GOLM2: variants seen among roughly 807,000 people sequenced by gnomAD.
The protein encoded by GOLM2 is golgi membrane protein 2, also known as protein GOLM2.
In GOLM2, 26 loss-of-function variants were observed where a neutral mutation model predicts 55.9. The observed-to-expected ratio is 0.47, with a 90% CI of 0.34 to 0.65. GOLM2 has a LOEUF of 0.65. Among genes scored for constraint, GOLM2 ranks in the 30% least tolerant of loss-of-function variants. The pLI, the probability that GOLM2 is intolerant of heterozygous loss-of-function variation, is 0.01. For missense variants in GOLM2, 486 were observed against 531.8 expected (o/e 0.91, Z 0.85); for synonymous variants, 165 against 194.6 (o/e 0.85, Z 1.27).
chr15:44,334,758 G>C (rs2079044795), intron 4 of GOLM2, among the ~76,000 whole-genome samples: 1 of 152,148 alleles, frequency 6.6e-6, no homozygotes, highest in Admixed American at 6.5e-5. Flanking sequence ...GTAGCTGGGG[G>C]CGGTGGCTCA....
In GOLM2 at chr15:44,332,661, C is replaced by CT. The variant is rs1567027595; in HGVS notation, c.576+589dup. ...ATTTCTCAGATTGTAAAGTGGGCAA[C>CT]TTTTTTACTGAAAATCAACTACTTC... On this transcript the variant is annotated intron_variant, in intron 4 of 9. Coordinates refer to ENST00000299957, the MANE Select transcript of GOLM2 (RefSeq NM_138423.4). Among the ~76,000 whole-genome samples the CT allele has an allele frequency of 2.6e-5, 4 of 151,726 alleles. No homozygotes were observed. In the South Asian group the frequency reaches 8.3e-4, roughly 32 times the overall value.
In GOLM2 at chr15:44,366,260, G is replaced by A. The variant is rs186639467; in HGVS notation, c.803-13430G>A. On this transcript the variant is annotated intron_variant, in intron 6 of 9. Transcript: ENST00000299957. ...TGCAGTGAGCAGAGATCACGCCGCT[G>A]CACTCCAGCCTGGGCAACAGAGCGA... is the stretch of plus-strand genomic sequence containing the variant. 4.3e-4 allele frequency among the ~76,000 whole-genome samples: 62 copies of A among 143,852 alleles called. 1 individual carries two copies. The East Asian group carries it at 0.013, about 30-fold the overall frequency. 94.4% of individuals were successfully genotyped at this position (143,852 alleles called of 152,430 possible).
chr15:44,336,127 T>C (rs1391411661), intron 4 of GOLM2, among the ~76,000 whole-genome samples: 1 of 149,826 alleles, frequency 6.7e-6, no homozygotes, highest in Non-Finnish European at 1.5e-5. Context: ...CTACTTAACT[T>C]TTTCTATTTA....
At chr15:44,305,537 G>T (rs1335527381) in intron 1 of GOLM2, among the ~76,000 whole-genome samples, 1 of 151,838 alleles carries the variant, frequency 6.6e-6, no homozygotes, top group Admixed American at 6.6e-5. Context: ...GAGCCCAAGT[G>T]TCCACCCGCC....
At chr15:44,369,112 T>TAC (rs2079310703) in intron 6 of GOLM2, among the ~76,000 whole-genome samples, 3 of 104,822 alleles carry the variant, frequency 2.9e-5, no homozygotes, top group African/African-American at 1.2e-4. Flanking sequence ...TATATATATA[T>TAC]ATATACCCGG....
chr15:44,299,292 G>T (rs1407875749), intron 1 of GOLM2, among the ~76,000 whole-genome samples: 1 of 150,846 alleles, frequency 6.6e-6, no homozygotes, highest in Non-Finnish European at 1.5e-5. Flanking sequence ...CTAGATAATT[G>T]TTTTTGTTTT....
chr15:44,344,980 C>CT lies in GOLM2; in HGVS notation c.802+6675dup, dbSNP rs1203762614. ...CGCCACCATGCCTGGCTAATTTTTT[C>CT]TTTTTTTTTTTTAATACAGACGGGG... is the stretch of plus-strand genomic sequence containing the variant. On this transcript the variant is annotated intron_variant, in intron 6 of 9. Transcript: ENST00000299957. 1.0e-3 allele frequency among the ~76,000 whole-genome samples: 143 copies of CT among 138,560 alleles called. 1 individual carries two copies. The highest frequency in any genetic ancestry group is 2.3e-3 in the African/African-American group (89 of 37,954). The allele number at this position is 138,560 out of a possible 152,430, so 90.9% of individuals were successfully genotyped here.
At chr15:44,307,389 T>G (rs1351329053) in intron 1 of GOLM2, 1 of 152,148 alleles carries the variant, frequency 6.6e-6, no homozygotes, top group Non-Finnish European at 1.5e-5. Context: ...ATTTTCTGTA[T>G]TTTTAGTAGA....
Position 44,289,506 on chromosome 15 carries a change from G to A in GOLM2, c.327+150G>A. ...ACCCCCAACAACCCTGTTTCTGTCAGACTTTTCCCAGTTTATCAGTGCCAC... is the reference window on the plus strand; with the variant it reads ...ACCCCCAACAACCCTGTTTCTGTCAAACTTTTCCCAGTTTATCAGTGCCAC... On this transcript the variant is annotated intron_variant, in intron 1 of 9. Transcript: ENST00000299957. This position sits in a 1 kb window ranked among gnomAD's most constrained non-coding sequence, Gnocchi z 4.8. 1.4e-6 allele frequency: 1 copy of A among 735,642 alleles called. No homozygotes were observed. Among genetic ancestry groups the A allele is most frequent in the East Asian group, 2.7e-5 (1 of 36,906 alleles). The allele number at this position is 735,642 out of a possible 1,614,324, so 45.6% of individuals were successfully genotyped here.
intron 6 of GOLM2, among the ~76,000 whole-genome samples, chr15:44,365,987 G>T (rs1027035034): frequency 6.6e-6 from 1 of 152,094 alleles, no homozygotes; most frequent in Admixed American, 6.6e-5. Flanking sequence ...TGTCAGTTTT[G>T]TTGTGAACTT....
chr15:44,366,641 A>C (rs1277892499), intron 6 of GOLM2, among the ~76,000 whole-genome samples: 1 of 152,162 alleles, frequency 6.6e-6, no homozygotes, highest in Non-Finnish European at 1.5e-5. Flanking sequence ...CTCAAAAATA[A>C]AAATTAAAAT....
At chr15:44,295,058 G>A (rs1203234338) in intron 1 of GOLM2, among the ~76,000 whole-genome samples, 2 of 151,996 alleles carry the variant, frequency 1.3e-5, no homozygotes, top group Non-Finnish European at 1.5e-5. Context: ...TCTGTTACCT[G>A]GGTTACTAAA....
chr15:44,366,296 C>CAAAAAAAAAAAAAAAAAA (rs34413737), intron 6 of GOLM2, among the ~76,000 whole-genome samples: 1 of 55,504 alleles, frequency 1.8e-5, no homozygotes, highest in African/African-American at 6.8e-5. Context: ...GACTCCGTCT[C>CAAAAAAAAAAAAAAAAAA]AAAAAAAAAA....
chr15:44,323,328 T>C (rs2141131554), intron 2 of GOLM2, among the ~76,000 whole-genome samples: 2 of 152,160 alleles, frequency 1.3e-5, no homozygotes, highest in South Asian at 4.1e-4. Context: ...GCCATCAAAT[T>C]TCTAGGGAAA....
At chr15:44,382,934 A>G (rs980352018) in intron 8 of GOLM2, among the ~76,000 whole-genome samples, 3 of 150,938 alleles carry the variant, frequency 2.0e-5, no homozygotes, top group Non-Finnish European at 2.9e-5. Context: ...AAAAAAAAAA[A>G]AAAAGAAAAG....
At chr15:44,330,383 G>A (rs1309395700) in intron 3 of GOLM2, among the ~76,000 whole-genome samples, 2 of 151,240 alleles carry the variant, frequency 1.3e-5, no homozygotes, top group East Asian at 3.9e-4. Context: ...GCCTGATGGT[G>A]CATGCCTGTA....
intron 6 of GOLM2, among the ~76,000 whole-genome samples, chr15:44,342,557 A>G (rs1168574914): frequency 6.6e-6 from 1 of 152,204 alleles, no homozygotes; most frequent in Non-Finnish European, 1.5e-5. Flanking sequence ...GTGAGCCACC[A>G]TGCCTGGCCT....
chr15:44,325,311 G>A (rs1311200012), intron 2 of GOLM2, among the ~76,000 whole-genome samples: 1 of 151,902 alleles, frequency 6.6e-6, no homozygotes, highest in African/African-American at 2.4e-5. Context: ...ATTTTACATG[G>A]GCTAAAACTC....
intron 8 of GOLM2, among the ~76,000 whole-genome samples, chr15:44,383,030 A>G (rs1215111634): frequency 6.6e-6 from 1 of 151,274 alleles, no homozygotes; most frequent in African/African-American, 2.4e-5. Flanking sequence ...TGCATGCACA[A>G]TTTTGTGATT....
Sources: gnomAD v4.1 joint callset for allele counts (sites outside exome capture counted in the v4.1 genomes callset) on GRCh38, gnomAD v4.1.1 for gene constraint, Gnocchi (gnomAD v3.1) non-coding constraint, MANE v1.5 for transcripts, NCBI Gene and HGNC (gene_info 2026-07-23, HGNC 2026-07-21) for gene names.